PRSS23: variants seen among roughly 807,000 people sequenced by gnomAD.
PRSS23 encodes the protein protease, serine 23.
A neutral mutation model predicts 34.7 loss-of-function variants in PRSS23; 25 were observed. The ratio of observed to expected loss-of-function variants is 0.72; its 90% CI spans 0.53 to 1.01. The LOEUF is 1.01. PRSS23 is among the 50% of genes least tolerant of loss of function. The pLI, the probability that PRSS23 is intolerant of heterozygous loss-of-function variation, is 0.00. For synonymous variants in PRSS23, 176 were observed against 186.6 expected, an observed-to-expected ratio of 0.94 and a Z score of 0.46; for missense variants, 445 against 475.6, an observed-to-expected ratio of 0.94 and a Z score of 0.60.
chr11:86,825,344 A>G (rs1055760346), intron 2 of PRSS23, among the ~76,000 whole-genome samples: 2 of 151,768 alleles, frequency 1.3e-5, no homozygotes, highest in African/African-American at 4.8e-5. Context: ...TTTTTCTTGT[A>G]AATTTGTTTG....
At chr11:86,901,251 G>A (rs1048858823) in intron 2 of PRSS23, among the ~76,000 whole-genome samples, 1 of 152,098 alleles carries the variant, frequency 6.6e-6, no homozygotes, top group Non-Finnish European at 1.5e-5. Flanking sequence ...TAAACCTCAT[G>A]GGGACATTGA....
intron 2 of PRSS23, among the ~76,000 whole-genome samples, chr11:86,845,383 C>A (rs774152027): frequency 4.6e-5 from 7 of 152,160 alleles, no homozygotes; most frequent in Admixed American, 2.6e-4. Context: ...GGAGATTAAG[C>A]TTAAAATATT....
chr11:86,807,560 G>T, intron 1 of PRSS23, 71 bp from the exon 2 acceptor site: 1 of 1,367,142 alleles, frequency 7.3e-7, no homozygotes, highest in South Asian at 1.4e-5. Flanking sequence ...GCCTGCTGCT[G>T]AGCTTTGCTG....
intron 2 of PRSS23, among the ~76,000 whole-genome samples, chr11:86,828,886 G>A (rs1358428134): frequency 7.2e-5 from 11 of 152,230 alleles, no homozygotes; most frequent in South Asian, 2.1e-4. Context: ...ATGGGCTTCC[G>A]TTTGTGGGTA....
intron 2 of PRSS23, chr11:86,936,091 C>G (rs1949160030): frequency 6.6e-6 from 1 of 152,052 alleles, no homozygotes; most frequent in Non-Finnish European, 1.5e-5. Flanking sequence ...ATTTGCAGGC[C>G]CAGATCACAC....
intron 2 of PRSS23, chr11:86,911,026 T>C (rs1948973570): frequency 6.6e-6 from 1 of 152,150 alleles, no homozygotes; most frequent in Non-Finnish European, 1.5e-5. Context: ...AATAATAAGT[T>C]ATTTTTAGAA....
chr11:86,935,313 T>C (rs1949153987), intron 2 of PRSS23: 1 of 152,270 alleles, frequency 6.6e-6, no homozygotes, highest in African/African-American at 2.4e-5. Flanking sequence ...GCTGGAAATA[T>C]TTTTAAAGTA....
At chr11:86,922,359 G>A (rs1210012521) in intron 2 of PRSS23, among the ~76,000 whole-genome samples, 1 of 152,070 alleles carries the variant, frequency 6.6e-6, no homozygotes, top group Non-Finnish European at 1.5e-5. Flanking sequence ...AATGTGACCA[G>A]GTACAGTGGC....
chr11:86,802,819 C>T (rs1184566765), intron 1 of PRSS23, among the ~76,000 whole-genome samples: 5 of 152,192 alleles, frequency 3.3e-5, no homozygotes, highest in Admixed American at 3.3e-4. Context: ...ACAGTAGTCA[C>T]TGCATCCAGT....
chr11:86,918,503 C>T (rs1271962604), intron 2 of PRSS23, among the ~76,000 whole-genome samples: 1 of 152,210 alleles, frequency 6.6e-6, no homozygotes, highest in Non-Finnish European at 1.5e-5. Flanking sequence ...TTTTAAATTG[C>T]CACCTCACCA....
chr11:86,908,152 A>C (rs1352912385), intron 2 of PRSS23, among the ~76,000 whole-genome samples: 1 of 152,244 alleles, frequency 6.6e-6, no homozygotes, highest in African/African-American at 2.4e-5. Flanking sequence ...AGCTATTGTG[A>C]ATAATGCTGC....
intron 2 of PRSS23, among the ~76,000 whole-genome samples, chr11:86,907,469 T>G (rs932797511): frequency 7.6e-6 from 1 of 131,736 alleles, no homozygotes; most frequent in African/African-American, 2.6e-5. Flanking sequence ...CTCTTAACAA[T>G]TTTTTGTGTT....
chr11:86,852,629 C>T (rs949711873), intron 2 of PRSS23, among the ~76,000 whole-genome samples: 10 of 151,880 alleles, frequency 6.6e-5, no homozygotes, highest in South Asian at 4.2e-4. Flanking sequence ...CACTATTTTT[C>T]AGTTTACAGT....
chr11:86,892,057 T>G (rs1948845031), intron 2 of PRSS23, among the ~76,000 whole-genome samples: 1 of 152,248 alleles, frequency 6.6e-6, no homozygotes, highest in Admixed American at 6.5e-5. Context: ...GAACTTGATC[T>G]GTAAAATAGA....
intron 2 of PRSS23, among the ~76,000 whole-genome samples, chr11:86,833,981 G>A (rs982060754): frequency 6.6e-6 from 1 of 152,212 alleles, no homozygotes; most frequent in Non-Finnish European, 1.5e-5. Flanking sequence ...GGCCGGTCCA[G>A]GGGTCCATGG....
At chr11:86,847,623 C>T (rs750522793) in intron 2 of PRSS23, among the ~76,000 whole-genome samples, 49 of 152,198 alleles carry the variant, frequency 3.2e-4, no homozygotes, top group Non-Finnish European at 6.5e-4. Context: ...CCTTCCAAAC[C>T]GGACACTCCC....
chr11:86,928,653 C>T (rs7926016), intron 2 of PRSS23, among the ~76,000 whole-genome samples: 6,169 of 77,344 alleles, frequency 0.08, 278 homozygotes, highest in African/African-American at 0.17. Context: ...CCAGCCTGGG[C>T]GACAAAGCAA....
chr11:86,833,322 G>T, intron 2 of PRSS23: 5 of 1,199,244 alleles, frequency 4.2e-6, no homozygotes, highest in Non-Finnish European at 6.2e-6. Flanking sequence ...TGACGGCCAG[G>T]ATAATGAGCA....
At chr11:86,865,145 T>C (rs1948641455) in intron 2 of PRSS23, among the ~76,000 whole-genome samples, 1 of 152,104 alleles carries the variant, frequency 6.6e-6, no homozygotes, top group Non-Finnish European at 1.5e-5. Flanking sequence ...AAGAGACCAG[T>C]GTGTAATTTA....
Sources: allele counts gnomAD v4.1 joint callset (sites outside exome capture counted in the v4.1 genomes callset), GRCh38; gene constraint gnomAD v4.1.1; transcripts MANE v1.5; gene names NCBI Gene and HGNC (gene_info 2026-07-23, HGNC 2026-07-21).